Variants in NBN observed in about 807,000 individuals in gnomAD.
NBN encodes the protein nibrin.
Under a neutral mutation model 90.8 loss-of-function variants are expected in NBN, and 88 were observed. The ratio of observed to expected loss-of-function variants is 0.97; its 90% CI spans 0.82 to 1.16. The LOEUF is 1.16. Ranked by LOEUF, NBN falls within the 50% of genes most tolerant of loss-of-function variation. The probability of loss-of-function intolerance (pLI) is 0.00; values close to 1 mark genes in which losing one functional copy is unlikely to be tolerated. For missense variants in NBN, 894 were observed against 869.6 expected (o/e 1.03, Z -0.35); for synonymous variants, 328 against 295.1 (o/e 1.11, Z -1.14).
At position 89,955,329 on chromosome 8, in the gene NBN, G is replaced by C. The variant is rs1011573169; in HGVS notation, c.1351C>G (p.Gln451Glu). 6.2e-7 allele frequency: 1 copy of C among 1,613,410 alleles called. No individual in the cohort carries two copies. Among genetic ancestry groups the C allele is most frequent in the Admixed American group, 1.7e-5 (1 of 59,960 alleles). ...KSKDRASQQQ[Q>E]TNSIRNYFQP... ...AAGTAGTTTCTGATGGAGTTGGTCT[G>C]CTGCTGCTGAGAAGCCCTATCTTTA... Residue 451 changes from glutamine to glutamate, a missense_variant, in exon 10 of 16, where the codon CAG becomes GAG. Coordinates refer to ENST00000265433, the MANE Select transcript of NBN (RefSeq NM_002485.5).
At chr8:89,959,665 G>A (rs888672245) in intron 8 of NBN, among the ~76,000 whole-genome samples, 11 of 152,160 alleles carry the variant, frequency 7.2e-5, no homozygotes, top group Admixed American at 6.5e-5. Context: ...AAAGTGGGAG[G>A]ATCACTTGAG....
Position 89,984,495 on chromosome 8 carries a change from T to C in NBN, c.37+30A>G, listed in dbSNP as rs1805846. ...CCCGAGGCAGTCGCTACCGGGAAAATAGGCCCCGAGGCTTCCCTTCTGCCC... is the reference window on the plus strand; with the variant it reads ...CCCGAGGCAGTCGCTACCGGGAAAACAGGCCCCGAGGCTTCCCTTCTGCCC... On this transcript the variant is annotated intron_variant, in intron 1 of 15. Coordinates refer to ENST00000265433, the MANE Select transcript of NBN (RefSeq NM_002485.5). 2,172 of 1,602,664 alleles carry C rather than the reference T, an allele frequency of 1.4e-3. 23 individuals are homozygous for C. The African/African-American group carries it at 0.024, about 18-fold the overall frequency.
rs1311278427 is a variant in NBN at position 89,937,063 on chromosome 8, G to C, written c.2197C>G (p.His733Asp). The C allele has an allele frequency of 6.2e-7, 1 of 1,612,370 alleles. No homozygotes were observed. The change falls in exon 15 of 16, where the codon CAT becomes GAT. Residue 733 changes from histidine to aspartate, a missense_variant. Transcript: ENST00000265433. ...TCAGCAAGAGACTCTTCTTTTGCAT[G>C]TTGATTTTGTACCTGTCAAAATTAA... ...LRQEMEVQNQ[H>D]AKEESLADDL...
chr8:89,955,221 C>A, intron 10 of NBN, 62 bp downstream of exon 10: 1 of 1,484,624 alleles, frequency 6.7e-7, no homozygotes, highest in Non-Finnish European at 9.4e-7. Flanking sequence ...TACCATTCTA[C>A]AACAGTATAA....
chr8:89,953,233 A>G lies in NBN; in HGVS notation c.1845+11T>C. On this transcript the variant is annotated intron_variant, in intron 11 of 15. Transcript: ENST00000265433. ...CTATGTACTATACCTCTCATTTAAA[A>G]TGTTACTTACAGATATTTTGCTACT... The G allele has an allele frequency of 6.4e-7, 1 of 1,565,000 alleles. No homozygotes were observed. Among genetic ancestry groups the G allele is most frequent in the Non-Finnish European group, 8.8e-7 (1 of 1,136,666 alleles).
At chr8:89,947,341 C>T (rs1810236573) in intron 12 of NBN, among the ~76,000 whole-genome samples, 1 of 152,126 alleles carries the variant, frequency 6.6e-6, no homozygotes, top group Non-Finnish European at 1.5e-5. Context: ...ATAATACGAT[C>T]TATCCAGGCC....
rs368471581 is a variant in NBN, at chr8:89,981,540, T to C, written c.172-17A>G. On this transcript the variant is annotated splice_polypyrimidine_tract_variant and intron_variant, in intron 2 of 15. Transcript: ENST00000265433. ...TGTTTGACTCTGAAAAGTTAGCAAA[T>C]AATTTAAAGTCTTTTACCACTCAGT... 7 of 1,611,742 alleles carry C rather than the reference T, an allele frequency of 4.3e-6. No homozygotes were observed. The highest frequency in any genetic ancestry group is 5.9e-6 in the Non-Finnish European group (7 of 1,178,612).
chr8:89,977,162 C>T (rs1811800467), intron 5 of NBN, among the ~76,000 whole-genome samples: 1 of 152,038 alleles, frequency 6.6e-6, no homozygotes, highest in African/African-American at 2.4e-5. Flanking sequence ...ATCAACCTGT[C>T]ATCCAGGTTT....
In NBN at chr8:89,971,284, G is replaced by GT. The variant is rs1554564309; in HGVS notation, c.590dup (p.Tyr197Ter). 2 of 1,609,068 alleles carry GT rather than the reference G, an allele frequency of 1.2e-6. No homozygotes were observed. Among genetic ancestry groups the GT allele is most frequent in the Non-Finnish European group, 1.7e-6 (2 of 1,176,818 alleles). ...KKQPPQIESF[Y>*]PPLDEPSIGS... ...CAATAGATGGTTCATCAAGAGGTGG[G>GT]TAAAAACTGTAAAAATAATTAAAGT... Residue 197 changes from tyrosine to a stop codon, truncating the protein, a stop_gained and frameshift_variant, in exon 6 of 16, where the codon TAC (tyrosine) becomes TAAC (stop). Transcript: ENST00000265433. LOFTEE classifies it high-confidence loss of function.
At chr8:89,953,106 C>A in intron 11 of NBN, 138 bp downstream of exon 11, 1 of 655,602 alleles carries the variant, frequency 1.5e-6, no homozygotes, top group Non-Finnish European at 2.7e-6. Flanking sequence ...TACCATTTAC[C>A]TTATCAACCA....
At chr8:89,975,369 T>C (rs1811704298) in intron 5 of NBN, among the ~76,000 whole-genome samples, 1 of 152,240 alleles carries the variant, frequency 6.6e-6, no homozygotes, top group Admixed American at 6.5e-5. Context: ...ATTTATTTCA[T>C]ATCCTTTTCG....
chr8:89,970,782 TCTAA>T (rs1182633406), intron 6 of NBN, among the ~76,000 whole-genome samples: 4 of 152,102 alleles, frequency 2.6e-5, no homozygotes, highest in Admixed American at 1.3e-4. Context: ...CTAACAGCAC[TCTAA>T]CTGTGGGCTT....
chr8:89,960,541 A>C (rs1041793961), intron 8 of NBN, among the ~76,000 whole-genome samples: 1 of 152,030 alleles, frequency 6.6e-6, no homozygotes, highest in African/African-American at 2.4e-5. Flanking sequence ...AGTCCCAGCT[A>C]CTCAGGAGGG....
chr8:89,964,002 T>C (rs188395591), intron 8 of NBN, among the ~76,000 whole-genome samples: 3 of 152,166 alleles, frequency 2.0e-5, no homozygotes, highest in South Asian at 4.1e-4. Flanking sequence ...CCTTTTCCCA[T>C]CATTCAGGAC....
intron 5 of NBN, among the ~76,000 whole-genome samples, chr8:89,975,482 T>C (rs1020931095): frequency 1.4e-4 from 21 of 152,224 alleles, no homozygotes; most frequent in Non-Finnish European, 2.4e-4. Flanking sequence ...TGGATCCAGA[T>C]AGGTATAGGA....
chr8:89,983,842 A>G (rs1812192005), intron 1 of NBN, among the ~76,000 whole-genome samples: 1 of 151,990 alleles, frequency 6.6e-6, no homozygotes, highest in African/African-American at 2.4e-5. Flanking sequence ...ACAGTATAAA[A>G]TTTATTTAGT....
intron 1 of NBN, 189 bp downstream of exon 1, chr8:89,984,336 T>A: frequency 1.5e-6 from 1 of 655,162 alleles, no homozygotes; most frequent in Non-Finnish European, 2.8e-6. Flanking sequence ...CGCGCTGAAT[T>A]CCAGCTCACA....
At chr8:89,950,279 T>C (rs1195185786) in intron 11 of NBN, among the ~76,000 whole-genome samples, 4 of 151,948 alleles carry the variant, frequency 2.6e-5, no homozygotes, top group African/African-American at 4.8e-5. Context: ...AAGTCCCTGA[T>C]AAAAAAAAGC....
intron 13 of NBN, among the ~76,000 whole-genome samples, chr8:89,944,337 A>C (rs551375756): frequency 1.3e-5 from 2 of 152,312 alleles, no homozygotes; most frequent in East Asian, 3.8e-4. Context: ...TTCTGATTCC[A>C]GGCCTCTTTC....
Sources: allele counts gnomAD v4.1 joint callset (sites outside exome capture counted in the v4.1 genomes callset), GRCh38; gene constraint gnomAD v4.1.1; transcripts MANE v1.5; gene names NCBI Gene and HGNC (gene_info 2026-07-23, HGNC 2026-07-21).